MORC1: variants seen among roughly 807,000 people sequenced by gnomAD.
The protein encoded by MORC1 is MORC family CW-type zinc finger protein 1.
A neutral mutation model predicts 134.9 loss-of-function variants in MORC1; 59 were observed. That is an observed-to-expected ratio of 0.44 (90% CI 0.35 to 0.54). The LOEUF (loss-of-function observed/expected upper bound fraction) is 0.54, where lower values mean the gene tolerates loss of function less well. Among genes scored for constraint, MORC1 ranks in the 20% least tolerant of loss-of-function variants. The pLI is 0.00. For synonymous variants in MORC1, 395 were observed against 391.7 expected, an observed-to-expected ratio of 1.01 and a Z score of -0.10; for missense variants, 947 against 1,134.5, an observed-to-expected ratio of 0.83 and a Z score of 2.37.
At chr3:108,981,256 T>C (rs764611094) in intron 23 of MORC1, among the ~76,000 whole-genome samples, 20 of 152,176 alleles carry the variant, frequency 1.3e-4, no homozygotes, top group Non-Finnish European at 2.4e-4. Context: ...AGATCACAGC[T>C]CTAGAGAATT....
At chr3:109,032,504 C>T (rs971108463) in intron 16 of MORC1, among the ~76,000 whole-genome samples, 13 of 152,116 alleles carry the variant, frequency 8.5e-5, no homozygotes, top group African/African-American at 2.9e-4. Flanking sequence ...CTCACCCCAA[C>T]GTCTTCAGAT....
intron 21 of MORC1, among the ~76,000 whole-genome samples, chr3:108,999,797 AT>A (rs1217540553): frequency 6.6e-6 from 1 of 152,176 alleles, no homozygotes; most frequent in African/African-American, 2.4e-5. Context: ...GAGTAATAAA[AT>A]TTATATTCAG....
At chr3:109,004,051 G>C (rs1948477567) in intron 20 of MORC1, among the ~76,000 whole-genome samples, 2 of 152,142 alleles carry the variant, frequency 1.3e-5, no homozygotes, top group South Asian at 4.1e-4. Context: ...CTGGGCGACA[G>C]AGCGAGACTT....
intron 8 of MORC1, among the ~76,000 whole-genome samples, chr3:109,090,589 C>T (rs1368711234): frequency 7.3e-6 from 1 of 137,452 alleles, no homozygotes; most frequent in Non-Finnish European, 1.5e-5. Flanking sequence ...CACTGAACTC[C>T]AGCCTGGGCA....
At chr3:109,093,667 T>C in intron 7 of MORC1, 126 bp from the exon 8 acceptor site, 1 of 651,948 alleles carries the variant, frequency 1.5e-6, no homozygotes, top group Non-Finnish European at 2.6e-6. Context: ...CAGTAAATAG[T>C]ATGTTTGGCT....
At chr3:109,075,097 G>A (rs1297052438) in intron 8 of MORC1, among the ~76,000 whole-genome samples, 3 of 152,046 alleles carry the variant, frequency 2.0e-5, no homozygotes, top group African/African-American at 4.8e-5. Flanking sequence ...CTATACATAC[G>A]TCACTGTACA....
At position 109,094,999 on chromosome 3, in the gene MORC1, C is replaced by A. The variant is rs948587781; in HGVS notation, c.493G>T (p.Ala165Ser). 3 of 1,592,514 alleles carry A rather than the reference C, an allele frequency of 1.9e-6. No homozygotes were observed. The highest frequency in any genetic ancestry group is 1.7e-6 in the Non-Finnish European group (2 of 1,173,496). The change falls in exon 7 of 28, where the codon GCA becomes TCA. Residue 165 changes from alanine to serine, a missense_variant. This residue lies in a region of MORC1 where 214 missense variants were observed against 281.3 expected (regional missense o/e 0.76). Transcript: ENST00000232603. ...TTATAAATTATAGATAATTCCATTG[C>A]AAATTTCTGGGGATCATCTGTGACA... ...ESVTDDPQKF[A>S]MELSIIYKYS...
chr3:108,989,059 T>TAA (rs1291781579), intron 21 of MORC1, among the ~76,000 whole-genome samples: 1 of 152,118 alleles, frequency 6.6e-6, no homozygotes, highest in African/African-American at 2.4e-5. Flanking sequence ...TTCTTTGAAA[T>TAA]AACATTGTGT....
At chr3:109,040,686 C>A (rs1228089945) in intron 14 of MORC1, among the ~76,000 whole-genome samples, 1 of 150,970 alleles carries the variant, frequency 6.6e-6, no homozygotes, top group Non-Finnish European at 1.5e-5. Context: ...AAAAATTAGC[C>A]AGGTGTGGTG....
chr3:109,096,941 TTCCAGAATACAATAGCTA>T (rs532146537), intron 6 of MORC1, among the ~76,000 whole-genome samples: 195 of 152,118 alleles, frequency 1.3e-3, no homozygotes, highest in Non-Finnish European at 2.4e-3. Flanking sequence ...AGAGAACCAC[TTCCAGAATACAATAGCTA>T]AAAAACAGGA....
chr3:109,030,175 C>G (rs1246256681), intron 16 of MORC1, among the ~76,000 whole-genome samples: 2 of 152,148 alleles, frequency 1.3e-5, no homozygotes, highest in Non-Finnish European at 2.9e-5. Flanking sequence ...ACACTTTTCA[C>G]CCCATTACTC....
At chr3:109,019,598 G>A (rs1429520410) in intron 17 of MORC1, among the ~76,000 whole-genome samples, 1 of 152,178 alleles carries the variant, frequency 6.6e-6, no homozygotes, top group Non-Finnish European at 1.5e-5. Flanking sequence ...ACCAGTCTGC[G>A]TTGGCTGAAA....
chr3:109,080,915 ATTTAG>A (rs1273982008), intron 8 of MORC1, among the ~76,000 whole-genome samples: 1 of 152,178 alleles, frequency 6.6e-6, no homozygotes, highest in East Asian at 1.9e-4. Context: ...TATGATAAAA[ATTTAG>A]TTTATAGTAC....
chr3:109,055,381 C>A (rs1949934208), intron 13 of MORC1, among the ~76,000 whole-genome samples: 1 of 152,202 alleles, frequency 6.6e-6, no homozygotes, highest in Admixed American at 6.5e-5. Flanking sequence ...CACTGGAAAT[C>A]TGGTTGGTGA....
chr3:109,059,811 T>A lies in MORC1; in HGVS notation c.1026A>T (p.Lys342Asn). The A allele has an allele frequency of 6.2e-7, 1 of 1,611,834 alleles. No homozygotes were observed. ...VEAKQKNLKE[K>N]QRELKTARTL... ...CAGAAAACCTTGTGTCTTACCTTTGTTTCTCTTTAAGATTCTTTTGCTTTG... is the reference window on the plus strand; with the variant it reads ...CAGAAAACCTTGTGTCTTACCTTTGATTCTCTTTAAGATTCTTTTGCTTTG... Residue 342 changes from lysine (K) to asparagine (N), a missense_variant, in exon 12 of 28, where the codon AAA becomes AAT. By Grantham distance (94) the Lys-to-Asn change is moderately conservative. This residue lies in a region of MORC1 where 722 missense variants were observed against 817.0 expected (regional missense o/e 0.88). Transcript: ENST00000232603.
At chr3:109,006,429 CA>C (rs941593899) in intron 18 of MORC1, among the ~76,000 whole-genome samples, 1 of 152,104 alleles carries the variant, frequency 6.6e-6, no homozygotes, top group African/African-American at 2.4e-5. Context: ...GCCAAAGATA[CA>C]AAATACATTA....
chr3:109,003,618 T>TA (rs1948463582), intron 20 of MORC1, among the ~76,000 whole-genome samples: 2 of 152,276 alleles, frequency 1.3e-5, no homozygotes, highest in South Asian at 4.1e-4. Context: ...TTAAAAGAGA[T>TA]ATGATTATAA....
At chr3:108,991,803 C>G (rs1276214241) in intron 21 of MORC1, among the ~76,000 whole-genome samples, 2 of 152,156 alleles carry the variant, frequency 1.3e-5, no homozygotes, top group Non-Finnish European at 2.9e-5. Context: ...CCCATCAATG[C>G]TCTTCATTCT....
intron 8 of MORC1, among the ~76,000 whole-genome samples, chr3:109,092,528 T>C (rs1950751713): frequency 6.6e-6 from 1 of 152,096 alleles, no homozygotes; most frequent in Non-Finnish European, 1.5e-5. Context: ...ATATGTGCTG[T>C]ATGTTGCAAC....
Sources: gnomAD v4.1 joint callset for allele counts (sites outside exome capture counted in the v4.1 genomes callset) on GRCh38, gnomAD v4.1.1 for gene constraint, gnomAD v4.1.1 regional missense constraint, MANE v1.5 for transcripts, NCBI Gene and HGNC (gene_info 2026-07-23, HGNC 2026-07-21) for gene names.